THSD7A: variants seen among roughly 807,000 people sequenced by gnomAD.
THSD7A encodes thrombospondin type-1 domain-containing protein 7A.
A neutral mutation model predicts 231.3 loss-of-function variants in THSD7A; 96 were observed. That is an observed-to-expected ratio of 0.41 (90% confidence interval 0.35 to 0.49). The LOEUF (loss-of-function observed/expected upper bound fraction) is 0.49. Among genes scored for constraint, THSD7A ranks in the 20% least tolerant of loss-of-function variants. The pLI, the probability that THSD7A is intolerant of heterozygous loss-of-function variation, is 0.05. For missense variants in THSD7A, 2,290 were observed against 2,070.2 expected (o/e 1.11, Z -2.06); for synonymous variants, 940 against 743.3 (o/e 1.26, Z -4.30).
intron 1 of THSD7A, among the ~76,000 whole-genome samples, chr7:11,792,140 A>G (rs984083213): frequency 6.6e-6 from 1 of 151,900 alleles, no homozygotes; most frequent in Non-Finnish European, 1.5e-5. Flanking sequence ...ACTCGTCATT[A>G]TATTTATTCT....
chr7:11,719,607 G>C (rs964245102), intron 1 of THSD7A, among the ~76,000 whole-genome samples: 1 of 151,552 alleles, frequency 6.6e-6, no homozygotes, highest in African/African-American at 2.4e-5. Context: ...ATCATGCCCA[G>C]TGATCCCCTC....
rs567197708 is a variant in THSD7A, at chr7:11,678,096, T to C, written c.191-41135A>G. ...GAACAACCTGCTCCTGAATGACTAC[T>C]GGGTAAATAACAAAATTAAGGCAGA... is the stretch of plus-strand genomic sequence containing the variant. On this transcript the variant is annotated intron_variant, in intron 1 of 27. Coordinates refer to ENST00000423059, the MANE Select transcript of THSD7A (RefSeq NM_015204.3). Among the ~76,000 whole-genome samples the C allele has an allele frequency of 6.6e-5, 10 of 152,290 alleles. No homozygotes were observed. In the South Asian group the frequency reaches 2.1e-3, roughly 32 times the overall value.
rs368231118 is a variant in THSD7A, at chr7:11,718,637, A to G, written c.191-81676T>C. On this transcript the variant is annotated intron_variant, in intron 1 of 27. Transcript: ENST00000423059. ...ATTGCTTTAATCCATAGGTCCTGAT[A>G]TAGAATTCCTCTACTGAGCACAATT... Among the ~76,000 whole-genome samples the G allele has an allele frequency of 4.6e-5, 7 of 151,790 alleles. No homozygotes were observed. In the East Asian group the frequency reaches 9.8e-4, roughly 21 times the overall value.
intron 1 of THSD7A, among the ~76,000 whole-genome samples, chr7:11,638,252 A>G (rs1781947197): frequency 6.6e-6 from 1 of 152,262 alleles, no homozygotes; most frequent in African/African-American, 2.4e-5. Context: ...TGAGAAAAAC[A>G]GGAAACAAGA....
chr7:11,796,830 TAG>T (rs1784139062), intron 1 of THSD7A, among the ~76,000 whole-genome samples: 3 of 152,130 alleles, frequency 2.0e-5, no homozygotes. Context: ...TATACTATGT[TAG>T]TCATTTACTA....
intron 13 of THSD7A, among the ~76,000 whole-genome samples, chr7:11,434,042 A>T (rs866794744): frequency 6.5e-4 from 99 of 152,182 alleles, no homozygotes; most frequent in Middle Eastern, 6.8e-3. Context: ...TGTCATGTTT[A>T]TCTAGCACCA....
At chr7:11,402,779 C>T (rs186041544) in intron 22 of THSD7A, among the ~76,000 whole-genome samples, 358 of 152,226 alleles carry the variant, frequency 2.4e-3, no homozygotes, top group Non-Finnish European at 3.8e-3. Flanking sequence ...TGAAATCCAT[C>T]ATACATTTAT....
chr7:11,390,524 T>A (rs1782937962), intron 23 of THSD7A, among the ~76,000 whole-genome samples: 1 of 152,244 alleles, frequency 6.6e-6, no homozygotes, highest in East Asian at 1.9e-4. Flanking sequence ...TCAAGGTTCT[T>A]AGCTTCCTTG....
chr7:11,626,866 C>G (rs547548200), intron 2 of THSD7A, among the ~76,000 whole-genome samples: 37 of 151,942 alleles, frequency 2.4e-4, no homozygotes, highest in African/African-American at 8.9e-4. Flanking sequence ...AATGTTGTAT[C>G]CTAAATGGAA....
At chr7:11,794,339 G>A (rs1784054975) in intron 1 of THSD7A, among the ~76,000 whole-genome samples, 1 of 151,918 alleles carries the variant, frequency 6.6e-6, no homozygotes, top group Non-Finnish European at 1.5e-5. Context: ...TAATTTAATT[G>A]AGAATTTCAT....
intron 6 of THSD7A, among the ~76,000 whole-genome samples, chr7:11,535,424 G>A (rs1309427736): frequency 6.6e-6 from 1 of 151,912 alleles, no homozygotes; most frequent in Non-Finnish European, 1.5e-5. Context: ...AACACTGAAG[G>A]AAAACATATT....
chr7:11,800,463 C>T (rs1230128690), intron 1 of THSD7A, among the ~76,000 whole-genome samples: 1 of 152,040 alleles, frequency 6.6e-6, no homozygotes, highest in Non-Finnish European at 1.5e-5. Flanking sequence ...GCAGGAGAAT[C>T]GGTTGAACTC....
At chr7:11,427,423 T>C (rs980444239) in intron 14 of THSD7A, among the ~76,000 whole-genome samples, 4 of 152,138 alleles carry the variant, frequency 2.6e-5, no homozygotes, top group Admixed American at 6.5e-5. Flanking sequence ...ACAATACCCT[T>C]ATCAAACTGC....
In THSD7A at chr7:11,373,584, C is replaced by T. The variant is rs1487527188; in HGVS notation, c.*2210G>A. 1 of 151,970 alleles carries T rather than the reference C, an allele frequency of 6.6e-6. No homozygotes were observed. Among genetic ancestry groups the T allele is most frequent in the Non-Finnish European group, 1.5e-5 (1 of 67,966 alleles). The allele number at this position is 151,970 out of a possible 1,614,324, so 9.4% of individuals were successfully genotyped here. On this transcript the variant is annotated 3_prime_UTR_variant, in exon 28 of 28. Transcript: ENST00000423059. ...TACCTGTTCTCTTTGAAATGATTTA[C>T]ATTTCCTAATATAGTGAATATTGAA...
At chr7:11,559,631 A>G (rs760624034) in intron 4 of THSD7A, among the ~76,000 whole-genome samples, 22 of 152,052 alleles carry the variant, frequency 1.4e-4, no homozygotes, top group Non-Finnish European at 8.8e-5. Flanking sequence ...GAAAGGCAAG[A>G]AAGGAGAAGT....
At chr7:11,478,129 C>G (rs1786270890) in intron 7 of THSD7A, among the ~76,000 whole-genome samples, 2 of 152,132 alleles carry the variant, frequency 1.3e-5, no homozygotes, top group Non-Finnish European at 2.9e-5. Flanking sequence ...ACTTCACACT[C>G]CATTACCCAT....
At chr7:11,751,483 T>C (rs1448797735) in intron 1 of THSD7A, 1 of 151,942 alleles carries the variant, frequency 6.6e-6, no homozygotes, top group African/African-American at 2.4e-5. Flanking sequence ...TACCTTCAGG[T>C]GAAGAAAATG....
rs1304947845 is a variant in THSD7A, at chr7:11,387,378, C to G, written c.4412-4762G>C. Among the ~76,000 whole-genome samples the G allele has an allele frequency of 2.6e-5, 4 of 152,036 alleles. 1 individual carries two copies. Among genetic ancestry groups the G allele is most frequent in the Non-Finnish European group, 5.9e-5 (4 of 67,974 alleles). On this transcript the variant is annotated intron_variant, in intron 23 of 27. Transcript: ENST00000423059. The stretch of plus-strand genomic sequence containing the variant: ...GTTTTTCCATTTATTTGTGTCCTCT[C>G]TGATTTCCTTGAGCAGTGGTTTGTA...
chr7:11,449,475 G>A (rs1198753375), intron 11 of THSD7A, among the ~76,000 whole-genome samples: 2 of 152,022 alleles, frequency 1.3e-5, no homozygotes, highest in Admixed American at 6.6e-5. Flanking sequence ...AACACATATG[G>A]CTAAGACAGA....
Sources: allele counts gnomAD v4.1 joint callset (sites outside exome capture counted in the v4.1 genomes callset), GRCh38; gene constraint gnomAD v4.1.1; transcripts MANE v1.5; gene names NCBI Gene and HGNC (gene_info 2026-07-23, HGNC 2026-07-21).